Variants in LAMA1 observed in about 807,000 individuals in gnomAD.
LAMA1 encodes the protein laminin subunit alpha-1.
A neutral mutation model predicts 348.7 loss-of-function variants in LAMA1; 219 were observed. The ratio of observed to expected loss-of-function variants is 0.63; its 90% CI spans 0.56 to 0.70. The LOEUF (loss-of-function observed/expected upper bound fraction) is 0.70, where lower values mean the gene tolerates loss of function less well. Ranked by LOEUF, LAMA1 falls within the 30% of genes least tolerant of loss-of-function variation. The pLI is 0.00. For missense variants in LAMA1, 3,744 were observed against 3,888.0 expected (o/e 0.96, Z 0.99); for synonymous variants, 1,487 against 1,491.0 (o/e 1.00, Z 0.06).
At chr18:7,111,920 AT>A (rs2058337316) in intron 1 of LAMA1, among the ~76,000 whole-genome samples, 2 of 152,048 alleles carry the variant, frequency 1.3e-5, no homozygotes. Context: ...TTCATTAGAA[AT>A]TTTTTTAAAT....
At chr18:6,976,561 TAGCATCAAGA>T (rs2057683066) in intron 44 of LAMA1, among the ~76,000 whole-genome samples, 1 of 152,094 alleles carries the variant, frequency 6.6e-6, no homozygotes, top group Non-Finnish European at 1.5e-5. Context: ...GGTATTAACC[TAGCATCAAGA>T]AGCATTCCTT....
chr18:7,088,179 G>A (rs1034299745), intron 1 of LAMA1, among the ~76,000 whole-genome samples: 9 of 152,138 alleles, frequency 5.9e-5, no homozygotes, highest in African/African-American at 2.2e-4. Context: ...TCAGGGGCTC[G>A]TCAAGGCATG....
intron 14 of LAMA1, among the ~76,000 whole-genome samples, chr18:7,033,551 T>A (rs1387946956): frequency 6.6e-6 from 1 of 151,968 alleles, no homozygotes; most frequent in South Asian, 2.1e-4. Flanking sequence ...CTGGGAGCCA[T>A]CATTATTCCC....
At position 7,007,189 on chromosome 18, in the gene LAMA1, T is replaced by C. The variant is rs747203050; in HGVS notation, c.4210A>G (p.Ser1404Gly). 6.2e-7 allele frequency: 1 copy of C among 1,614,146 alleles called. No homozygotes were observed. The highest frequency in any genetic ancestry group is 8.5e-7 in the Non-Finnish European group (1 of 1,180,028). The change falls in exon 29 of 63, where the codon AGT becomes GGT. Residue 1404 changes from serine (S) to glycine (G), a missense_variant. Around this residue, in one of 3 missense-constraint regions of LAMA1, gnomAD observed 1,983 missense variants for 1,934.3 expected, o/e 1.03. Transcript: ENST00000389658. ...CAGGTGTCACTGTGGTTGTTGCAAC[T>C]GCAGGGAACACAAGGAGCAACCAGA... ...RPLVAPCVPC[S>G]CNNHSDTCDP...
intron 3 of LAMA1, among the ~76,000 whole-genome samples, chr18:7,052,878 A>G (rs758015416): frequency 1.3e-5 from 2 of 151,280 alleles, no homozygotes; most frequent in Non-Finnish European, 2.9e-5. Flanking sequence ...AAAATTATCC[A>G]GGTATGGTGG....
intron 24 of LAMA1, 122 bp from the exon 25 acceptor site, chr18:7,011,601 A>G: frequency 9.7e-7 from 1 of 1,032,664 alleles, no homozygotes; most frequent in Non-Finnish European, 1.5e-6. Flanking sequence ...CAGAAACAGT[A>G]AAGACTTTTC....
chr18:6,986,454 G>T, intron 36 of LAMA1, 107 bp from the exon 37 acceptor site: 2 of 947,158 alleles, frequency 2.1e-6, no homozygotes, highest in Non-Finnish European at 3.3e-6. Flanking sequence ...GTCTCTTTTT[G>T]AAATTGTAAG....
chr18:6,961,803 C>G, intron 52 of LAMA1, 44 bp from the exon 53 acceptor site: 3 of 1,608,758 alleles, frequency 1.9e-6, no homozygotes, highest in Non-Finnish European at 2.6e-6. Context: ...TTCCTAGCTG[C>G]GGCCAAACCT....
chr18:7,049,425 G>A (rs937912128), intron 4 of LAMA1, among the ~76,000 whole-genome samples, 168 bp from the exon 5 acceptor site: 2 of 152,044 alleles, frequency 1.3e-5, no homozygotes, highest in South Asian at 2.1e-4. Flanking sequence ...TCAGCCTCCC[G>A]AGTAGCTGGG....
chr18:7,108,216 G>A (rs1223678415), intron 1 of LAMA1, among the ~76,000 whole-genome samples: 1 of 151,688 alleles, frequency 6.6e-6, no homozygotes, highest in Non-Finnish European at 1.5e-5. Flanking sequence ...TGTGCCTGTA[G>A]TCCCAGCTAC....
intron 23 of LAMA1, 107 bp downstream of exon 23, chr18:7,013,708 A>C: frequency 1.0e-6 from 1 of 991,206 alleles, no homozygotes; most frequent in Non-Finnish European, 1.6e-6. Flanking sequence ...GTGTGAACTC[A>C]CTAGGAAAAG....
intron 1 of LAMA1, among the ~76,000 whole-genome samples, chr18:7,095,824 T>C (rs1265685375): frequency 1.3e-5 from 2 of 152,166 alleles, no homozygotes; most frequent in African/African-American, 2.4e-5. Context: ...ATCCCAGCAC[T>C]TTGGGAGGCC....
At chr18:7,096,097 T>G (rs2058260123) in intron 1 of LAMA1, among the ~76,000 whole-genome samples, 2 of 150,792 alleles carry the variant, frequency 1.3e-5, no homozygotes, top group African/African-American at 5.0e-5. Context: ...CAGTATAGAC[T>G]GTGGTATGGT....
At chr18:7,086,146 T>A (rs1312891884) in intron 1 of LAMA1, among the ~76,000 whole-genome samples, 2 of 152,186 alleles carry the variant, frequency 1.3e-5, no homozygotes, top group African/African-American at 4.8e-5. Flanking sequence ...GCCAGGCACC[T>A]CCCAGGGCAC....
At chr18:7,086,929 T>TCTCC (rs935653680) in intron 1 of LAMA1, among the ~76,000 whole-genome samples, 4 of 151,502 alleles carry the variant, frequency 2.6e-5, no homozygotes, top group Non-Finnish European at 5.9e-5. Context: ...CACCATGATC[T>TCTCC]CTCTATTTAG....
intron 3 of LAMA1, among the ~76,000 whole-genome samples, chr18:7,076,391 T>C (rs1239831495): frequency 1.3e-5 from 2 of 152,192 alleles, no homozygotes; most frequent in Admixed American, 6.5e-5. Flanking sequence ...GCTGGTGATG[T>C]GGTCTTCTGA....
chr18:6,955,532 T>C (rs1600346265), intron 56 of LAMA1, 67 bp from the exon 57 acceptor site: 1 of 1,168,450 alleles, frequency 8.6e-7, no homozygotes, highest in Non-Finnish European at 1.3e-6. Context: ...ACACGCGTGT[T>C]CCGCCATGAA....
At chr18:7,079,750 T>G in intron 3 of LAMA1, 1 of 562,310 alleles carries the variant, frequency 1.8e-6, no homozygotes, top group Non-Finnish European at 3.2e-6. Flanking sequence ...ACATCAACCA[T>G]ATGGAAGCAA....
At position 7,037,659 on chromosome 18, in the gene LAMA1, G is replaced by A. The variant is rs749304777; in HGVS notation, c.1656C>T (p.Val552=). 1 of 1,614,174 alleles carries A rather than the reference G, an allele frequency of 6.2e-7. No homozygotes were observed. Among genetic ancestry groups the A allele is most frequent in the Non-Finnish European group, 8.5e-7 (1 of 1,180,040 alleles). ...QQDALGGRHQ[V]SINNTAVMQR... ...GCATGACCGCGGTGTTGTTGATGCT[G>A]ACCTGATGGCGCCCGCCTAGTGCAT... The change falls in exon 12 of 63, where the codon GTC becomes GTT. Residue 552 remains valine, a synonymous_variant. Coordinates refer to ENST00000389658, the MANE Select transcript of LAMA1 (RefSeq NM_005559.4).
Sources: gnomAD v4.1 joint callset for allele counts (sites outside exome capture counted in the v4.1 genomes callset) on GRCh38, gnomAD v4.1.1 for gene constraint, gnomAD v4.1.1 regional missense constraint, MANE v1.5 for transcripts, NCBI Gene and HGNC (gene_info 2026-07-23, HGNC 2026-07-21) for gene names.